TNRC6A: variants seen among roughly 807,000 people sequenced by gnomAD.
TNRC6A encodes the protein trinucleotide repeat containing adaptor 6A.
Under a neutral mutation model 221.2 loss-of-function variants are expected in TNRC6A, and 44 were observed. The observed-to-expected ratio is 0.20, with a 90% CI of 0.16 to 0.26. TNRC6A has a LOEUF of 0.26. TNRC6A is among the 10% of genes least tolerant of loss of function. The pLI is 1.00. For missense variants in TNRC6A, 2,199 were observed against 2,404.4 expected (o/e 0.91, Z 1.79); for synonymous variants, 847 against 838.5 (o/e 1.01, Z -0.18).
In TNRC6A at chr16:24,790,235, A is replaced by G; in HGVS notation, c.1593A>G (p.Gly531=). Residue 531 remains glycine (G), a synonymous_variant, in exon 6 of 25, where the codon GGA becomes GGG. Transcript: ENST00000395799. ...TWGAYGSNYS[G]DKCSGPNGQA... ...GTGCCTATGGTTCTAATTACTCTGG[A>G]GACAAATGTTCAGGCCCTAATGGCC... 6.2e-7 allele frequency: 1 copy of G among 1,614,190 alleles called. No homozygotes were observed. Among genetic ancestry groups the G allele is most frequent in the Non-Finnish European group, 8.5e-7 (1 of 1,180,042 alleles).
intron 2 of TNRC6A, among the ~76,000 whole-genome samples, chr16:24,718,457 G>A (rs185592285): frequency 6.6e-6 from 1 of 152,136 alleles, no homozygotes; most frequent in South Asian, 2.1e-4. Context: ...AGACATAATA[G>A]GAGAGGACTT....
intron 1 of TNRC6A, among the ~76,000 whole-genome samples, chr16:24,622,406 G>C (rs1056189167): frequency 6.6e-6 from 1 of 152,148 alleles, no homozygotes; most frequent in Non-Finnish European, 1.5e-5. Context: ...TTCGAGACCA[G>C]CCTGGCCAAC....
At position 24,651,560 on chromosome 16, in the gene TNRC6A, A is replaced by C. The variant is rs908921194; in HGVS notation, n.402+10551A>C. Among the ~76,000 whole-genome samples the C allele has an allele frequency of 4.4e-4, 64 of 146,804 alleles. 1 individual carries two copies. The South Asian group carries it at 0.012, about 28-fold the overall frequency. On this transcript the variant is annotated intron_variant and non_coding_transcript_variant, in intron 2 of 2. Coordinates refer to the TNRC6A transcript ENST00000566108. ...TCTCAAAAAAAAAAAAAAAAAAAAAAAAAACATAAAATAGACACATTGGCA... is the reference window on the plus strand; with the variant it reads ...TCTCAAAAAAAAAAAAAAAAAAAAACAAAACATAAAATAGACACATTGGCA...
At position 24,790,600 on chromosome 16, in the gene TNRC6A, C is replaced by T; in HGVS notation, c.1958C>T (p.Thr653Ile). The change falls in exon 6 of 25, where the codon ACA becomes ATA. Residue 653 changes from threonine to isoleucine, a missense_variant. Around this residue, in one of 8 missense-constraint regions of TNRC6A, gnomAD observed 1,405 missense variants for 1,400.2 expected, o/e 1.00. Transcript: ENST00000395799. ...GAGGAAGAGGATCAGGGTTCTGCCA[C>T]ATCTCAGACAAATGAGCAAAGCAGT... The part of the protein sequence containing the change: ...STEEEDQGSA[T>I]SQTNEQSSVW... The T allele has an allele frequency of 6.2e-7, 1 of 1,614,206 alleles. No homozygotes were observed. The highest frequency in any genetic ancestry group is 1.1e-5 in the South Asian group (1 of 91,082).
chr16:24,643,034 A>G (rs966529192), intron 2 of TNRC6A, among the ~76,000 whole-genome samples: 1 of 146,738 alleles, frequency 6.8e-6, no homozygotes, highest in African/African-American at 2.5e-5. Flanking sequence ...ACAGAGTGAG[A>G]CCCTGTATCT....
Position 24,790,378 on chromosome 16 carries a change from C to T in TNRC6A, c.1736C>T (p.Ala579Val), listed in dbSNP as rs753673267. ...KGGGVWESGA[A>V]NSQSTSWGSG... is the part of the protein sequence containing the mutation. ...GGTGGTGTGTGGGAATCTGGTGCAG[C>T]AAACTCCCAGAGTACATCATGGGGA... is the stretch of plus-strand genomic sequence containing the variant. The change falls in exon 6 of 25, where the codon GCA becomes GTA. Residue 579 changes from alanine to valine, a missense_variant. Transcript: ENST00000395799. 1.9e-5 allele frequency: 30 copies of T among 1,614,074 alleles called. No individual in the cohort carries two copies. In the South Asian group the frequency reaches 3.1e-4, roughly 17 times the overall value.
upstream of TNRC6A, among the ~76,000 whole-genome samples, chr16:24,728,274 C>T (rs2056526448): frequency 6.6e-6 from 1 of 151,980 alleles, no homozygotes; most frequent in Non-Finnish European, 1.5e-5. Context: ...ATGACGAAAC[C>T]CCGTCATTAC....
intron 2 of TNRC6A, among the ~76,000 whole-genome samples, chr16:24,681,591 C>T (rs960719312): frequency 2.6e-5 from 4 of 152,110 alleles, no homozygotes; most frequent in Admixed American, 1.3e-4. Flanking sequence ...TCATAGTGAG[C>T]TACTAATTTT....
rs757679045 is a variant in TNRC6A, at chr16:24,777,054, A to ACAG, written c.297_299dup (p.Gln103dup). The ACAG allele has an allele frequency of 1.2e-5, 20 of 1,612,950 alleles. No homozygotes were observed. The highest frequency in any genetic ancestry group is 2.2e-5 in the East Asian group (1 of 44,804). ...GAGCTACAGCCAACAATCAGCAGCC[A>ACAG]CAGCAGCAGCAGCAACAGCAGCAGC... On this transcript the variant is annotated inframe_insertion, in exon 5 of 25. Coordinates refer to ENST00000395799, the MANE Select transcript of TNRC6A (RefSeq NM_014494.4).
chr16:24,725,250 A>C (rs1200274936), upstream of TNRC6A, among the ~76,000 whole-genome samples: 1 of 152,028 alleles, frequency 6.6e-6, no homozygotes, highest in African/African-American at 2.4e-5. Flanking sequence ...GCTTACTGCA[A>C]CCTACCCCCT....
intron 2 of TNRC6A, among the ~76,000 whole-genome samples, chr16:24,705,601 G>C (rs1467090879): frequency 6.6e-6 from 1 of 152,108 alleles, no homozygotes; most frequent in African/African-American, 2.4e-5. Flanking sequence ...TAAAGTGCTG[G>C]GATTACAGGC....
intron 5 of TNRC6A, chr16:24,778,565 A>G (rs1398678102): frequency 2.2e-6 from 2 of 902,070 alleles, no homozygotes; most frequent in African/African-American, 1.8e-5. Flanking sequence ...CCAGCACCTT[A>G]TTACCTGTGT....
chr16:24,695,620 G>A (rs1032588521), intron 2 of TNRC6A, among the ~76,000 whole-genome samples: 2 of 151,914 alleles, frequency 1.3e-5, no homozygotes, highest in African/African-American at 2.4e-5. Flanking sequence ...GGCTGGTCTC[G>A]AACTCCTGAC....
chr16:24,796,500 A>G (rs1596748609), intron 9 of TNRC6A: 1 of 152,416 alleles, frequency 6.6e-6, no homozygotes, highest in East Asian at 1.9e-4. Flanking sequence ...GGGAAATAAG[A>G]ATGGATATAT....
chr16:24,765,918 T>G (rs1204408608), intron 4 of TNRC6A, among the ~76,000 whole-genome samples: 1 of 152,238 alleles, frequency 6.6e-6, no homozygotes, highest in Non-Finnish European at 1.5e-5. Context: ...GAGACCCGTT[T>G]TGGCTTTAGG....
chr16:24,675,105 C>T (rs1041616169), intron 2 of TNRC6A, among the ~76,000 whole-genome samples: 2 of 152,012 alleles, frequency 1.3e-5, no homozygotes, highest in Non-Finnish European at 2.9e-5. Context: ...ATGATGACAC[C>T]GCTGCACTCC....
intron 1 of TNRC6A, among the ~76,000 whole-genome samples, chr16:24,631,453 C>A (rs375510379): frequency 6.6e-6 from 1 of 152,138 alleles, no homozygotes; most frequent in African/African-American, 2.4e-5. Flanking sequence ...GTTCCTAATT[C>A]TCTTCCCACT....
At chr16:24,775,798 C>T (rs2057706390) in intron 4 of TNRC6A, among the ~76,000 whole-genome samples, 1 of 152,168 alleles carries the variant, frequency 6.6e-6, no homozygotes, top group Non-Finnish European at 1.5e-5. Flanking sequence ...GGAGATTTTT[C>T]TCTGAGTGCC....
chr16:24,698,581 T>G (rs1252478820), intron 2 of TNRC6A, among the ~76,000 whole-genome samples: 1 of 152,170 alleles, frequency 6.6e-6, no homozygotes, highest in Non-Finnish European at 1.5e-5. Context: ...ATTTCACAAG[T>G]GCATAAACTG....
Sources: allele counts gnomAD v4.1 joint callset (sites outside exome capture counted in the v4.1 genomes callset), GRCh38; gene constraint gnomAD v4.1.1; regional missense constraint gnomAD v4.1.1; transcripts MANE v1.5; gene names NCBI Gene and HGNC (gene_info 2026-07-23, HGNC 2026-07-21).